The following RBFOX1 variants were observed in gnomAD, a reference collection of about 807,000 sequenced individuals.
RBFOX1 encodes RNA binding fox-1 homolog 1, also known as RNA binding protein fox-1 homolog 1.
RBFOX1 carries 8 observed loss-of-function variants against 57.7 expected under a neutral mutation model. The ratio of observed to expected loss-of-function variants is 0.14; its 90% CI spans 0.08 to 0.25. RBFOX1 has a LOEUF of 0.25. RBFOX1 is among the 10% of genes least tolerant of loss of function. The pLI is 1.00. For missense variants in RBFOX1, 611 were observed against 548.5 expected, an observed-to-expected ratio of 1.11 and a Z score of -1.14; for synonymous variants, 326 against 222.4, an observed-to-expected ratio of 1.47 and a Z score of -4.15.
chr16:7,518,410 C>T (rs55642412), intron 5 of RBFOX1, 21 bp downstream of exon 5: 111,227 of 1,596,124 alleles, frequency 0.07, 4,404 homozygotes, highest in Non-Finnish European at 0.079. Flanking sequence ...GTGTTTGCTA[C>T]GGGTGGGAGG....
intron 1 of RBFOX1, among the ~76,000 whole-genome samples, chr16:5,447,692 G>A (rs1314300750): frequency 6.6e-6 from 1 of 152,174 alleles, no homozygotes; most frequent in Non-Finnish European, 1.5e-5. Flanking sequence ...CACCGTGCCC[G>A]GCTGCCATTC....
At chr16:7,495,933 G>T (rs1314951536) in intron 4 of RBFOX1, among the ~76,000 whole-genome samples, 1 of 152,002 alleles carries the variant, frequency 6.6e-6, no homozygotes, top group Non-Finnish European at 1.5e-5. Context: ...GAATTTCATT[G>T]AAGTTCCTCA....
intron 3 of RBFOX1, among the ~76,000 whole-genome samples, chr16:6,917,882 A>C (rs1250664116): frequency 6.6e-6 from 1 of 152,182 alleles, no homozygotes; most frequent in Non-Finnish European, 1.5e-5. Flanking sequence ...AGAAACTGAC[A>C]CAAGTCGAAA....
rs575902708 is a variant in RBFOX1, at chr16:6,331,725, C to T, written c.-64+14668C>T. 3.8e-3 allele frequency among the ~76,000 whole-genome samples: 570 copies of T among 151,656 alleles called. 1 individual carries two copies. The highest frequency in any genetic ancestry group is 7.1e-3 in the Non-Finnish European group (484 of 67,952). ...CATCAGAGAGTGCCACCAGTATGTC[C>T]TAAGTCCTGCAGAAATCATGCAATT... is the stretch of plus-strand genomic sequence containing the variant. On this transcript the variant is annotated intron_variant, in intron 2 of 15. Coordinates refer to ENST00000550418, the MANE Select transcript of RBFOX1 (RefSeq NM_018723.4).
intron 1 of RBFOX1, among the ~76,000 whole-genome samples, chr16:6,138,638 C>T (rs993774185): frequency 6.6e-6 from 1 of 151,994 alleles, no homozygotes; most frequent in Non-Finnish European, 1.5e-5. Context: ...GAGGCTGAGG[C>T]GGACAGATCA....
intron 4 of RBFOX1, among the ~76,000 whole-genome samples, chr16:7,136,169 G>C (rs930814921): frequency 6.6e-6 from 1 of 152,196 alleles, no homozygotes; most frequent in African/African-American, 2.4e-5. Flanking sequence ...AGATTCGGGA[G>C]AGTTTGGCAT....
intron 4 of RBFOX1, among the ~76,000 whole-genome samples, chr16:7,312,781 G>A (rs2096346076): frequency 6.6e-6 from 1 of 152,182 alleles, no homozygotes; most frequent in South Asian, 2.1e-4. Context: ...TTTCCATTCA[G>A]AACGTCATTA....
chr16:5,664,896 G>C (rs2049780789), intron 3 of RBFOX1, among the ~76,000 whole-genome samples: 1 of 151,540 alleles, frequency 6.6e-6, no homozygotes, highest in Admixed American at 6.6e-5. Flanking sequence ...TTGGCCTCCT[G>C]CCCACCTCCA....
At chr16:7,556,614 C>A (rs1416067902) in intron 5 of RBFOX1, among the ~76,000 whole-genome samples, 1 of 152,132 alleles carries the variant, frequency 6.6e-6, no homozygotes, top group Non-Finnish European at 1.5e-5. Flanking sequence ...CCTAAGAAAG[C>A]TTCATGACAT....
At chr16:5,969,477 A>ATTTT (rs34622040) in intron 4 of RBFOX1, among the ~76,000 whole-genome samples, 7 of 117,038 alleles carry the variant, frequency 6.0e-5, no homozygotes, top group Non-Finnish European at 1.0e-4. Flanking sequence ...ACGCCTGGCT[A>ATTTT]TTTTTTTTTT....
At chr16:5,851,841 T>C (rs77390313) in intron 3 of RBFOX1, among the ~76,000 whole-genome samples, 6,580 of 152,218 alleles carry the variant, frequency 0.043, 250 homozygotes, top group East Asian at 0.22. Flanking sequence ...GCTGAGTCAG[T>C]GGGTGAGTAA....
At chr16:6,900,183 C>T (rs566844535) in intron 3 of RBFOX1, among the ~76,000 whole-genome samples, 2 of 152,238 alleles carry the variant, frequency 1.3e-5, no homozygotes, top group Admixed American at 6.5e-5. Flanking sequence ...TATGCTGAGC[C>T]TGTGTGGTGA....
At chr16:7,304,202 C>CAG in intron 4 of RBFOX1, 1 of 936,508 alleles carries the variant, frequency 1.1e-6, no homozygotes, top group East Asian at 1.4e-4. Context: ...GGGAGAGAGA[C>CAG]AGAGAGAGAG....
At chr16:6,373,388 C>G (rs2090753884) in intron 2 of RBFOX1, among the ~76,000 whole-genome samples, 1 of 146,444 alleles carries the variant, frequency 6.8e-6, no homozygotes, top group Non-Finnish European at 1.5e-5. Flanking sequence ...TTTTTAGGAT[C>G]ACTGGGTAGG....
intron 1 of RBFOX1, among the ~76,000 whole-genome samples, chr16:6,081,250 C>T (rs751732718): frequency 2.0e-5 from 3 of 152,132 alleles, no homozygotes; most frequent in East Asian, 1.9e-4. Flanking sequence ...AGGTTAAAAG[C>T]GCCTACCCCT....
At chr16:6,475,635 T>A (rs907707532) in intron 2 of RBFOX1, among the ~76,000 whole-genome samples, 2 of 152,234 alleles carry the variant, frequency 1.3e-5, no homozygotes, top group African/African-American at 4.8e-5. Flanking sequence ...TAAGCTCACC[T>A]TTCTTAATGT....
intron 3 of RBFOX1, among the ~76,000 whole-genome samples, chr16:5,818,361 C>T (rs1000277815): frequency 2.0e-5 from 3 of 152,158 alleles, no homozygotes; most frequent in African/African-American, 4.8e-5. Flanking sequence ...ATGGGGTTCT[C>T]GCACTCCCCA....
intron 3 of RBFOX1, among the ~76,000 whole-genome samples, chr16:5,804,006 C>A (rs146038821): frequency 6.6e-6 from 1 of 152,126 alleles, no homozygotes. Context: ...CAGAGATTTC[C>A]TCTGGGAAGT....
At chr16:6,907,349 C>T (rs546266122) in intron 3 of RBFOX1, among the ~76,000 whole-genome samples, 1 of 152,092 alleles carries the variant, frequency 6.6e-6, no homozygotes, top group African/African-American at 2.4e-5. Context: ...AACAGTGTAT[C>T]GAGCTGTCCT....
Sources: gnomAD v4.1 joint callset for allele counts (sites outside exome capture counted in the v4.1 genomes callset) on GRCh38, gnomAD v4.1.1 for gene constraint, MANE v1.5 for transcripts, NCBI Gene and HGNC (gene_info 2026-07-23, HGNC 2026-07-21) for gene names.